The following CTSK variants were observed in gnomAD, a reference collection of about 807,000 sequenced individuals.
CTSK encodes the protein cathepsin K.
CTSK carries 26 observed loss-of-function variants against 40.5 expected under a neutral mutation model. The ratio of observed to expected loss-of-function variants is 0.64; its 90% confidence interval spans 0.47 to 0.89. The LOEUF (loss-of-function observed/expected upper bound fraction) is 0.89, where lower values mean the gene tolerates loss of function less well. Among genes scored for constraint, CTSK ranks in the 40% least tolerant of loss-of-function variants. The pLI is 0.00. For missense variants in CTSK, 292 were observed against 400.1 expected (o/e 0.73, Z 2.30); for synonymous variants, 132 against 143.2 (o/e 0.92, Z 0.56).
intron 6 of CTSK, 131 bp from the exon 7 acceptor site, chr1:150,799,404 A>T (rs1256254167): frequency 8.4e-7 from 1 of 1,187,154 alleles, no homozygotes; most frequent in Non-Finnish European, 1.3e-6. Flanking sequence ...GCTGCTCCAT[A>T]CTGCAGCAGT....
intron 1 of CTSK, chr1:150,807,444 C>T (rs893952911): frequency 2.2e-6 from 1 of 464,628 alleles, no homozygotes; most frequent in Non-Finnish European, 4.5e-6. Context: ...CTTTTTCTCT[C>T]CCTTCCCTCC....
chr1:150,807,078 T>A lies in CTSK; in HGVS notation c.-1-272A>T, dbSNP rs868793968. ...CTGTTTCTCTCTCTGTCTCTCTCTC[T>A]CTCACACACACACACACACACACAC... On this transcript the variant is annotated intron_variant, in intron 1 of 7. Coordinates refer to ENST00000271651, the MANE Select transcript of CTSK (RefSeq NM_000396.4). Among the ~76,000 whole-genome samples, 432 of 120,580 alleles carry A rather than the reference T, an allele frequency of 3.6e-3. 2 individuals are homozygous for A. The highest frequency in any genetic ancestry group is 0.031 in the Middle Eastern group (8 of 258). 79.1% of individuals were successfully genotyped at this position (120,580 alleles called of 152,430 possible). A position where few individuals can be genotyped will look rare whatever the true frequency, so the allele number is the denominator to read the frequency against.
intron 5 of CTSK, among the ~76,000 whole-genome samples, 159 bp from the exon 6 acceptor site, chr1:150,799,868 A>G (rs1653952456): frequency 1.3e-5 from 2 of 152,126 alleles, no homozygotes; most frequent in Admixed American, 1.3e-4. Flanking sequence ...AAAAACGAAT[A>G]TGAAAAGAGG....
At position 150,806,189 on chromosome 1, in the gene CTSK, T is replaced by C. The variant is rs1571127681; in HGVS notation, c.156A>G (p.Lys52=). 1 of 1,614,174 alleles carries C rather than the reference T, an allele frequency of 6.2e-7. No homozygotes were observed. Residue 52 remains lysine (K), a synonymous_variant, in exon 3 of 8, where the codon AAA becomes AAG. Coordinates refer to ENST00000271651, the MANE Select transcript of CTSK (RefSeq NM_000396.4). ...TATGGATGGAAATATACTTCAGGTT[T>C]TTTTCCCAAATTAAACGCCGAGAGA... is the stretch of plus-strand genomic sequence containing the variant. ...DEISRRLIWE[K]NLKYISIHNL...
chr1:150,796,560 C>G lies in CTSK; in HGVS notation c.*239G>C. ...GCAGGCTGTAGTCACATCTCTTAGCCTAAGAGTACACAGCTGTCAGGGAAA... is the reference window on the plus strand; with the variant it reads ...GCAGGCTGTAGTCACATCTCTTAGCGTAAGAGTACACAGCTGTCAGGGAAA... On this transcript the variant is annotated 3_prime_UTR_variant, in exon 8 of 8. Transcript: ENST00000271651. The G allele has an allele frequency of 1.6e-6, 1 of 609,950 alleles. No homozygotes were observed. The highest frequency in any genetic ancestry group is 1.9e-5 in the South Asian group (1 of 53,504). 37.8% of individuals were successfully genotyped at this position (609,950 alleles called of 1,614,324 possible).
chr1:150,805,096 C>A (rs587733688), intron 4 of CTSK, among the ~76,000 whole-genome samples: 1 of 151,644 alleles, frequency 6.6e-6, no homozygotes, highest in African/African-American at 2.4e-5. Flanking sequence ...TGCTTCTAAT[C>A]CCAGCTACTA....
intron 1 of CTSK, 62 bp from the exon 2 acceptor site, chr1:150,806,868 G>A: frequency 1.3e-6 from 2 of 1,593,468 alleles, no homozygotes; most frequent in Non-Finnish European, 1.7e-6. Context: ...GGAAAACTAG[G>A]CTTTATGAGG....
chr1:150,796,973 C>T (rs181357329), intron 7 of CTSK, 75 bp from the exon 8 acceptor site: 34 of 1,041,162 alleles, frequency 3.3e-5, no homozygotes, highest in African/African-American at 7.9e-5. Flanking sequence ...GAGTATTGTG[C>T]GAGGTACTGA....
rs1371698411 is a variant in CTSK at position 150,806,733 on chromosome 1, G to A, written c.73C>T (p.His25Tyr). Residue 25 changes from histidine to tyrosine, a missense_variant, in exon 2 of 8, where the codon CAC (histidine) becomes TAC (tyrosine). Physicochemically the swap from His to Tyr is moderately conservative, Grantham distance 83. Coordinates refer to ENST00000271651, the MANE Select transcript of CTSK (RefSeq NM_000396.4). The stretch of plus-strand genomic sequence containing the variant: ...TGGGTCTTCTTCCATAGCTCCCAGT[G>A]GGTGTCCAGTATCTCCTCAGGGTAC... ...ALYPEEILDT[H>Y]WELWKKTHRK... The A allele has an allele frequency of 1.9e-6, 3 of 1,613,958 alleles. No individual in the cohort carries two copies. Among genetic ancestry groups the A allele is most frequent in the African/African-American group, 2.7e-5 (2 of 74,902 alleles).
intron 2 of CTSK, 43 bp downstream of exon 2, chr1:150,806,642 AG>A: frequency 6.2e-7 from 1 of 1,612,476 alleles, no homozygotes; most frequent in Non-Finnish European, 8.5e-7. Context: ...GAGAGAGCTC[AG>A]GTCTCAGCCT....
rs1406273065 is a variant in CTSK at position 150,807,076 on chromosome 1, T to A, written c.-1-270A>T. 4.7e-4 allele frequency among the ~76,000 whole-genome samples: 17 copies of A among 36,462 alleles called. No homozygotes were observed. In the East Asian group the frequency reaches 5.4e-3, roughly 12 times the overall value. The allele number at this position is 36,462 out of a possible 152,430, so 23.9% of individuals were successfully genotyped here. ...CTCTGTTTCTCTCTCTGTCTCTCTC[T>A]CTCTCACACACACACACACACACAC... On this transcript the variant is annotated intron_variant, in intron 1 of 7. Transcript: ENST00000271651.
At chr1:150,799,385 C>G in intron 6 of CTSK, 112 bp from the exon 7 acceptor site, 1 of 1,213,688 alleles carries the variant, frequency 8.2e-7, no homozygotes, top group Non-Finnish European at 1.2e-6. Flanking sequence ...GAGGGTTTAC[C>G]ACAGAGATGC....
At position 150,806,742 on chromosome 1, in the gene CTSK, G is replaced by T. The variant is rs145128083; in HGVS notation, c.64C>A (p.Leu22Met). The T allele has an allele frequency of 8.1e-6, 13 of 1,614,102 alleles. No homozygotes were observed. The African/African-American group carries it at 1.5e-4, about 18-fold the overall frequency. The stretch of plus-strand genomic sequence containing the variant: ...TTCCATAGCTCCCAGTGGGTGTCCA[G>T]TATCTCCTCAGGGTACAGAGCAAAG... The part of the protein sequence containing the change: ...VSFALYPEEI[L>M]DTHWELWKKT... Residue 22 changes from leucine to methionine, a missense_variant, in exon 2 of 8, where the codon CTG becomes ATG. Transcript: ENST00000271651.
chr1:150,802,684 C>T (rs956243705), intron 5 of CTSK, among the ~76,000 whole-genome samples: 22 of 152,060 alleles, frequency 1.4e-4, no homozygotes, highest in African/African-American at 5.3e-4. Context: ...TCCCAAAGTG[C>T]TGGGATTACA....
Position 150,806,997 on chromosome 1 carries a change from T to TTCTTTCTCTCTCTC in CTSK, c.-1-192_-1-191insGAGAGAGAGAAAGA, listed in dbSNP as rs1553197496. Among the ~76,000 whole-genome samples the TTCTTTCTCTCTCTC allele has an allele frequency of 4.0e-3, 319 of 80,050 alleles. 2 individuals carry two copies. Among genetic ancestry groups the TTCTTTCTCTCTCTC allele is most frequent in the Non-Finnish European group, 3.3e-3 (113 of 34,590 alleles). The allele number at this position is 80,050 out of a possible 152,430, so 52.5% of individuals were successfully genotyped here. A position where few individuals can be genotyped will look rare whatever the true frequency, so the allele number is the denominator to read the frequency against. On this transcript the variant is annotated intron_variant, in intron 1 of 7. Coordinates refer to ENST00000271651, the MANE Select transcript of CTSK (RefSeq NM_000396.4). ...CTTTGATCTAGGGGGATTTAGCCAT[T>TTCTTTCTCTCTCTC]TCTCTCTTTCTCTCTCTCTCTCTCT... is the stretch of plus-strand genomic sequence containing the variant.
intron 5 of CTSK, chr1:150,800,446 TC>T (rs1653968971): frequency 6.5e-6 from 1 of 152,818 alleles, no homozygotes; most frequent in African/African-American, 2.4e-5. Flanking sequence ...CCTTGTGCTC[TC>T]ATCAAAGACA....
chr1:150,807,302 T>G, intron 1 of CTSK: 1 of 471,586 alleles, frequency 2.1e-6, no homozygotes. Context: ...CTTCGAGGCG[T>G]TCTTCTCTTT....
At position 150,804,153 on chromosome 1, in the gene CTSK, C is replaced by T; in HGVS notation, c.486G>A (p.Leu162=). The change falls in exon 5 of 8, where the codon CTG becomes CTA. Residue 162 remains leucine, a synonymous_variant. Transcript: ENST00000271651. ...LKKKTGKLLN[L]SPQNLVDCVS... ...CACAATCCACTAGGTTCTGGGGACT[C>T]AGATTTAAGAGTTTGCCAGTTTTCT... 6.2e-7 allele frequency: 1 copy of T among 1,614,206 alleles called. No individual in the cohort carries two copies. Among genetic ancestry groups the T allele is most frequent in the Non-Finnish European group, 8.5e-7 (1 of 1,180,038 alleles).
chr1:150,800,664 T>C (rs749504093), intron 5 of CTSK: 1 of 212,388 alleles, frequency 4.7e-6, no homozygotes, highest in Non-Finnish European at 1.0e-5. Flanking sequence ...AACCCTAAGG[T>C]TGCATCCACA....
Sources: allele counts gnomAD v4.1 joint callset (sites outside exome capture counted in the v4.1 genomes callset), GRCh38; gene constraint gnomAD v4.1.1; transcripts MANE v1.5; gene names NCBI Gene and HGNC (gene_info 2026-07-23, HGNC 2026-07-21).